Variants in GTF3C2 observed in about 807,000 individuals in gnomAD.
GTF3C2 encodes the protein general transcription factor IIIC subunit 2.
Under a neutral mutation model 117.4 loss-of-function variants are expected in GTF3C2, and 17 were observed. The observed-to-expected ratio is 0.14, with a 90% CI of 0.10 to 0.22. The LOEUF (loss-of-function observed/expected upper bound fraction) is 0.22, where lower values mean the gene tolerates loss of function less well. Among genes scored for constraint, GTF3C2 ranks in the 10% least tolerant of loss-of-function variants. The pLI is 1.00. For missense variants in GTF3C2, 888 were observed against 1,143.6 expected, an observed-to-expected ratio of 0.78 and a Z score of 3.22; for synonymous variants, 437 against 427.0, an observed-to-expected ratio of 1.02 and a Z score of -0.29.
At chr2:27,356,043 C>G in intron 1 of GTF3C2, 3 of 1,222,202 alleles carry the variant, frequency 2.5e-6, no homozygotes, top group Non-Finnish European at 3.2e-6. Flanking sequence ...ACGGGATTGA[C>G]TTAAAATTGT....
chr2:27,343,453 A>G (rs1680809794), exon 2 of GTF3C2: 3 of 1,614,144 alleles, frequency 1.9e-6, no homozygotes, highest in Non-Finnish European at 1.7e-6. Context: ...TCTTGACATC[A>G]AGCTGATTTA....
chr2:27,337,311 T>G (rs1558616823), exon 7 of GTF3C2: 1 of 1,613,244 alleles, frequency 6.2e-7, no homozygotes, highest in Non-Finnish European at 8.5e-7. Flanking sequence ...AATGGAGACT[T>G]CTCCTCCTGG....
chr2:27,334,106 G>A (rs1381259574), intron 10 of GTF3C2, 107 bp from the exon 11 acceptor site: 2 of 790,260 alleles, frequency 2.5e-6, no homozygotes, highest in African/African-American at 1.7e-5. Flanking sequence ...GCTCACTGCA[G>A]CCTCCAACTC....
At chr2:27,344,321 G>A (rs1318256397) in intron 1 of GTF3C2, among the ~76,000 whole-genome samples, 1 of 152,148 alleles carries the variant, frequency 6.6e-6, no homozygotes, top group Non-Finnish European at 1.5e-5. Flanking sequence ...CACTGCGCCT[G>A]GCCATAAAGC....
intron 16 of GTF3C2, 36 bp downstream of exon 16, chr2:27,328,432 G>A: frequency 6.2e-7 from 1 of 1,609,302 alleles, no homozygotes; most frequent in Non-Finnish European, 8.5e-7. Flanking sequence ...TGTGGGTTAG[G>A]ATCCAACAGC....
intron 12 of GTF3C2, among the ~76,000 whole-genome samples, chr2:27,330,897 G>T (rs1474130096): frequency 6.6e-6 from 1 of 152,068 alleles, no homozygotes; most frequent in East Asian, 1.9e-4. Context: ...GGGAGATAGA[G>T]GTTGCAGTGA....
At chr2:27,327,551 T>C (rs1354119263) in intron 17 of GTF3C2, among the ~76,000 whole-genome samples, 1 of 151,366 alleles carries the variant, frequency 6.6e-6, no homozygotes, top group Non-Finnish European at 1.5e-5. Flanking sequence ...CTTGAACTCC[T>C]GACCTCAGGT....
At chr2:27,348,808 T>C (rs1293435205) in intron 1 of GTF3C2, among the ~76,000 whole-genome samples, 1 of 152,142 alleles carries the variant, frequency 6.6e-6, no homozygotes, top group African/African-American at 2.4e-5. Context: ...GAAAAAATAA[T>C]AAAGATTTGG....
At position 27,343,374 on chromosome 2, in the gene GTF3C2, CA is replaced by C; in HGVS notation, c.180del (p.Phe60LeufsTer70). On this transcript the variant is annotated frameshift_variant, in exon 2 of 19. Coordinates refer to ENST00000264720, the Ensembl canonical transcript of GTF3C2. LOFTEE classifies it high-confidence loss of function. ...AGCCTCCTCTGATCAGGAGAATCCT[CA>C]AATCCAGGCAAAGGGGTAGGTAATG... The C allele has an allele frequency of 1.2e-6, 2 of 1,614,136 alleles. No individual in the cohort carries two copies. The highest frequency in any genetic ancestry group is 1.7e-6 in the Non-Finnish European group (2 of 1,179,952).
chr2:27,341,858 A>C (rs74372996), intron 4 of GTF3C2, 90 bp downstream of exon 4: 27 of 1,101,306 alleles, frequency 2.5e-5, no homozygotes, highest in Admixed American at 4.5e-5. Flanking sequence ...TATAGTTACC[A>C]GGTCAAAGCT....
rs769189061 is a variant in GTF3C2, at chr2:27,329,234, G to A, written c.1926C>T (p.Asp642=). ...TTATGGGTTCGTAAGGACGTCGAAG[G>A]TCCCAGAATTTGATTTTCCGGTCAC... is the stretch of plus-strand genomic sequence containing the variant. Residue 642 remains aspartate (D), a synonymous_variant, in exon 14 of 19, where the codon GAC becomes GAT. Coordinates refer to ENST00000264720, the Ensembl canonical transcript of GTF3C2. This position sits in a 1 kb window ranked among gnomAD's most constrained non-coding sequence, Gnocchi z 4.5. 4.3e-6 allele frequency: 7 copies of A among 1,614,044 alleles called. No homozygotes were observed. In the African/African-American group the frequency reaches 9.3e-5, roughly 22 times the overall value.
At chr2:27,327,029 T>G in intron 18 of GTF3C2, 136 bp from the exon 19 acceptor site, 1 of 692,990 alleles carries the variant, frequency 1.4e-6, no homozygotes, top group South Asian at 1.9e-5. Context: ...GAGGTAAGAA[T>G]GAAAAGCCAG....
rs748080839 is a variant in GTF3C2 at position 27,336,185 on chromosome 2, A to C, written c.1355+13T>G. 6.3e-7 allele frequency: 1 copy of C among 1,598,586 alleles called. No individual in the cohort carries two copies. Among genetic ancestry groups the C allele is most frequent in the Non-Finnish European group, 8.6e-7 (1 of 1,166,326 alleles). Reference sequence around the variant, plus strand: ...CAACCACCCTCCCATGGCAGTGTCCAACCCCACCTCACCAGCTTTCTTGCT... The same window carrying C: ...CAACCACCCTCCCATGGCAGTGTCCCACCCCACCTCACCAGCTTTCTTGCT... On this transcript the variant is annotated intron_variant, in intron 8 of 18. Coordinates refer to ENST00000264720, the Ensembl canonical transcript of GTF3C2.
At chr2:27,327,928 G>T in intron 17 of GTF3C2, 109 bp downstream of exon 17, 1 of 877,018 alleles carries the variant, frequency 1.1e-6, no homozygotes, top group Non-Finnish European at 1.7e-6. Flanking sequence ...ACCTGGCCGA[G>T]GCTCCTTAGT....
chr2:27,348,286 A>AC (rs35325937), intron 1 of GTF3C2, among the ~76,000 whole-genome samples: 1 of 150,386 alleles, frequency 6.6e-6, no homozygotes, highest in Non-Finnish European at 1.5e-5. Flanking sequence ...AAAAAAAAAA[A>AC]CTAGCTGGGC....
exon 8 of GTF3C2, chr2:27,336,292 G>A (rs1465246354): frequency 2.5e-5 from 40 of 1,614,034 alleles, no homozygotes; most frequent in Non-Finnish European, 3.2e-5. Flanking sequence ...TTCATGTCAG[G>A]GCTGGAGAAA....
chr2:27,343,325 G>A, exon 2 of GTF3C2: 1 of 1,614,102 alleles, frequency 6.2e-7, no homozygotes, highest in Non-Finnish European at 8.5e-7. Flanking sequence ...TTCCAGTCTG[G>A]AGAGGCTTTC....
chr2:27,337,061 C>T (rs551962032), intron 7 of GTF3C2, 183 bp downstream of exon 7: 1 of 602,914 alleles, frequency 1.7e-6, no homozygotes, highest in African/African-American at 1.9e-5. Context: ...TTCCCTCAGC[C>T]TGCCAGTAAT....
chr2:27,348,042 G>C (rs544460543), intron 1 of GTF3C2, among the ~76,000 whole-genome samples: 1 of 152,264 alleles, frequency 6.6e-6, no homozygotes, highest in African/African-American at 2.4e-5. Context: ...AGGCCCGGAC[G>C]GGCCAATCAC....
Sources: gnomAD v4.1 joint callset for allele counts (sites outside exome capture counted in the v4.1 genomes callset) on GRCh38, gnomAD v4.1.1 for gene constraint, Gnocchi (gnomAD v3.1) non-coding constraint, MANE v1.5 for transcripts, NCBI Gene and HGNC (gene_info 2026-07-23, HGNC 2026-07-21) for gene names.